Variants in NTM observed in about 807,000 individuals in gnomAD.
The protein encoded by NTM is neurotrimin.
Under a neutral mutation model 42.1 loss-of-function variants are expected in NTM, and 13 were observed. The ratio of observed to expected loss-of-function variants is 0.31; its 90% CI spans 0.20 to 0.49. The LOEUF is 0.49. Among genes scored for constraint, NTM ranks in the 20% least tolerant of loss-of-function variants. The probability of loss-of-function intolerance (pLI) is 0.99; values close to 1 mark genes in which losing one functional copy is unlikely to be tolerated. For missense variants in NTM, 373 were observed against 452.8 expected (o/e 0.82, Z 1.60); for synonymous variants, 187 against 179.2 (o/e 1.04, Z -0.35).
chr11:131,696,510 G>A (rs1032430389), intron 1 of NTM, among the ~76,000 whole-genome samples: 3 of 152,096 alleles, frequency 2.0e-5, no homozygotes, highest in African/African-American at 7.2e-5. Context: ...TATGGATTCT[G>A]GACTCTTTCC....
intron 1 of NTM, among the ~76,000 whole-genome samples, chr11:131,862,511 C>T (rs1345045408): frequency 6.6e-6 from 1 of 152,190 alleles, no homozygotes; most frequent in East Asian, 1.9e-4. Context: ...TGAGAATGAA[C>T]ACAATTGCCT....
intron 1 of NTM, among the ~76,000 whole-genome samples, chr11:131,558,409 T>C (rs186068403): frequency 1.9e-4 from 29 of 152,262 alleles, no homozygotes; most frequent in African/African-American, 6.7e-4. Context: ...GGGAGGCCTG[T>C]TTTCTAATCC....
chr11:131,599,299 C>T (rs1238688339), intron 1 of NTM, among the ~76,000 whole-genome samples: 3 of 150,324 alleles, frequency 2.0e-5, no homozygotes, highest in African/African-American at 5.0e-5. Context: ...ACCCAGTCTC[C>T]GGCAGATGCC....
intron 2 of NTM, among the ~76,000 whole-genome samples, chr11:131,954,729 A>T (rs113377011): frequency 3.3e-5 from 5 of 152,290 alleles, no homozygotes; most frequent in African/African-American, 1.2e-4. Context: ...GTAATTCCCC[A>T]TCCACATTCG....
rs543663780 is a variant in NTM, at chr11:131,866,056, T to C, written c.83-45508T>C. On this transcript the variant is annotated intron_variant, in intron 1 of 8. Transcript: ENST00000683400. ...ACATACACACATGCTACACACACAC[T>C]ACACACACACCCCACACACTCTCAC... 2.0e-3 allele frequency among the ~76,000 whole-genome samples: 276 copies of C among 137,406 alleles called. 7 individuals are homozygous for C. The highest frequency in any genetic ancestry group is 7.2e-3 in the African/African-American group (259 of 35,882). 90.1% of individuals were successfully genotyped at this position (137,406 alleles called of 152,430 possible). A position where few individuals can be genotyped will look rare whatever the true frequency, so the allele number is the denominator to read the frequency against.
chr11:131,498,856 C>T (rs1268935864), intron 1 of NTM, among the ~76,000 whole-genome samples: 3 of 152,212 alleles, frequency 2.0e-5, no homozygotes, highest in Admixed American at 2.0e-4. Context: ...TGCTGGTAAG[C>T]AGGAGGATGC....
intron 2 of NTM, among the ~76,000 whole-genome samples, chr11:132,070,449 C>T (rs369500436): frequency 7.5e-6 from 1 of 132,480 alleles, no homozygotes; most frequent in Non-Finnish European, 1.6e-5. Context: ...CGTCACACAG[C>T]CAAGTTAACA....
At chr11:131,453,416 C>A (rs1175736852) in intron 1 of NTM, among the ~76,000 whole-genome samples, 1 of 151,930 alleles carries the variant, frequency 6.6e-6, no homozygotes, top group East Asian at 1.9e-4. Context: ...TACTTGGTAC[C>A]AACAACCCTA....
At chr11:131,566,205 C>T (rs1046027040) in intron 1 of NTM, among the ~76,000 whole-genome samples, 7 of 152,144 alleles carry the variant, frequency 4.6e-5, no homozygotes, top group African/African-American at 1.4e-4. Flanking sequence ...AGAAATTAAA[C>T]ATTTAGGGGA....
chr11:132,044,114 GTATGTGTGTGTATA>G (rs1353202157), intron 2 of NTM, among the ~76,000 whole-genome samples: 3 of 136,364 alleles, frequency 2.2e-5, no homozygotes, highest in South Asian at 4.8e-4. Context: ...GTGTGTATGT[GTATGTGTGTGTATA>G]TATGTGTGTG....
chr11:131,517,372 C>G (rs1005337668), intron 1 of NTM, among the ~76,000 whole-genome samples: 1 of 152,202 alleles, frequency 6.6e-6, no homozygotes, highest in Admixed American at 6.5e-5. Flanking sequence ...ACTGTCACCT[C>G]CATCCTTGGT....
At chr11:131,743,329 TA>T (rs2081409119) in intron 1 of NTM, among the ~76,000 whole-genome samples, 1 of 151,524 alleles carries the variant, frequency 6.6e-6, no homozygotes, top group Non-Finnish European at 1.5e-5. Flanking sequence ...TTGATAGAGA[TA>T]ATATAGAAGT....
At chr11:131,735,136 G>A (rs565257115) in intron 1 of NTM, among the ~76,000 whole-genome samples, 5 of 152,300 alleles carry the variant, frequency 3.3e-5, no homozygotes, top group South Asian at 2.1e-4. Context: ...GTTGCAAGGC[G>A]GAGGGGGGAA....
chr11:132,197,146 A>T (rs1312898752), intron 3 of NTM, among the ~76,000 whole-genome samples: 5 of 152,142 alleles, frequency 3.3e-5, no homozygotes, highest in African/African-American at 1.2e-4. Context: ...AGAGTTTGAC[A>T]TTAAGGAGGA....
intron 1 of NTM, among the ~76,000 whole-genome samples, chr11:131,652,646 A>T (rs2066644820): frequency 6.6e-6 from 1 of 152,168 alleles, no homozygotes. Context: ...CGGGTTCTGG[A>T]GTGGGCAGGG....
At chr11:131,686,056 G>C (rs1460646862) in intron 1 of NTM, among the ~76,000 whole-genome samples, 1 of 152,144 alleles carries the variant, frequency 6.6e-6, no homozygotes, top group Non-Finnish European at 1.5e-5. Flanking sequence ...AACAGACAGG[G>C]GCTGATGAGG....
At chr11:132,041,075 A>G (rs912050825) in intron 2 of NTM, among the ~76,000 whole-genome samples, 8 of 152,168 alleles carry the variant, frequency 5.3e-5, no homozygotes, top group African/African-American at 1.4e-4. Context: ...AGTCTTCAAT[A>G]CCCCACATTT....
chr11:131,660,308 C>T, intron 1 of NTM: 1 of 358,160 alleles, frequency 2.8e-6, no homozygotes, highest in East Asian at 7.5e-5. Context: ...GTCTGAAAGA[C>T]AGATGCTGCA....
intron 2 of NTM, among the ~76,000 whole-genome samples, chr11:132,131,039 G>T (rs1340564691): frequency 6.6e-6 from 1 of 152,218 alleles, no homozygotes; most frequent in African/African-American, 2.4e-5. Flanking sequence ...CATGTGCAAG[G>T]AAAGTTTGAG....
Sources: allele counts gnomAD v4.1 joint callset (sites outside exome capture counted in the v4.1 genomes callset), GRCh38; gene constraint gnomAD v4.1.1; transcripts MANE v1.5; gene names NCBI Gene and HGNC (gene_info 2026-07-23, HGNC 2026-07-21).